The following C11orf65 variants were observed in gnomAD, a reference collection of about 807,000 sequenced individuals.
C11orf65 encodes the protein protein MFI.
A neutral mutation model predicts 35.3 loss-of-function variants in C11orf65; 38 were observed. The ratio of observed to expected loss-of-function variants is 1.08; its 90% confidence interval spans 0.83 to 1.41. The LOEUF is 1.41. Among genes scored for constraint, C11orf65 ranks in the 40% most tolerant of loss-of-function variants. The pLI, the probability that C11orf65 is intolerant of heterozygous loss-of-function variation, is 0.00. For synonymous variants in C11orf65, 105 were observed against 114.4 expected, an observed-to-expected ratio of 0.92 and a Z score of 0.53; for missense variants, 370 against 367.1, an observed-to-expected ratio of 1.01 and a Z score of -0.06.
At position 108,431,814 on chromosome 11, in the gene C11orf65, TA is replaced by T. The variant is rs2092994189; in HGVS notation, c.105del (p.Phe35LeufsTer4). The stretch of plus-strand genomic sequence containing the variant: ...TGTCTTCTTAAATCAATCAGACTTT[TA>T]AAGTGTTGAAATATAGCGACATTCT... The part of the protein sequence containing the change: ...SFLNVAIFQH[F>X]KSLIDLRRQG... On this transcript the variant is annotated frameshift_variant, in exon 3 of 9. Transcript: ENST00000393084. LOFTEE classifies it high-confidence loss of function. 6.6e-7 allele frequency: 1 copy of T among 1,521,786 alleles called. No homozygotes were observed. The highest frequency in any genetic ancestry group is 8.9e-7 in the Non-Finnish European group (1 of 1,119,854). The allele number at this position is 1,521,786 out of a possible 1,614,324, so 94.3% of individuals were successfully genotyped here.
At chr11:108,311,779 AT>A (rs2084183827) in intron 6 of C11orf65, among the ~76,000 whole-genome samples, 1 of 152,162 alleles carries the variant, frequency 6.6e-6, no homozygotes, top group Non-Finnish European at 1.5e-5. Context: ...GATAGTATTT[AT>A]TTTATGTACT....
rs182678288 is a variant in C11orf65 at position 108,337,301 on chromosome 11, A to G, written c.227-2009T>C. On this transcript the variant is annotated intron_variant, in intron 2 of 3. Transcript: ENST00000524755. ...AATTTGTGACATGGAACCTTCTGCA[A>G]TAATAACTAACATAATAGATGTTTT... Among the ~76,000 whole-genome samples, 8 of 152,350 alleles carry G rather than the reference A, an allele frequency of 5.3e-5. No homozygotes were observed. The South Asian group carries it at 1.2e-3, about 24-fold the overall frequency.
chr11:108,353,576 T>G (rs1284088196), intron 2 of C11orf65, among the ~76,000 whole-genome samples: 1 of 152,222 alleles, frequency 6.6e-6, no homozygotes, highest in African/African-American at 2.4e-5. Flanking sequence ...TATTTGGATT[T>G]GAGGTGGATC....
chr11:108,357,124 C>T (rs1307833145), intron 2 of C11orf65, among the ~76,000 whole-genome samples: 1 of 152,240 alleles, frequency 6.6e-6, no homozygotes, highest in Non-Finnish European at 1.5e-5. Context: ...AAGGCATTGC[C>T]TCACTTGGGA....
chr11:108,359,271 T>C (rs1287349508), intron 2 of C11orf65, among the ~76,000 whole-genome samples: 1 of 151,430 alleles, frequency 6.6e-6, no homozygotes, highest in Non-Finnish European at 1.5e-5. Context: ...ATGCACCCAA[T>C]ACAGGAGCAC....
At chr11:108,392,966 C>T (rs1276458377) in intron 7 of C11orf65, among the ~76,000 whole-genome samples, 3 of 152,122 alleles carry the variant, frequency 2.0e-5, no homozygotes, top group Admixed American at 6.6e-5. Context: ...CAGACTAAAG[C>T]ATAAGAATAA....
At chr11:108,380,670 A>G (rs1236002188), downstream of C11orf65, among the ~76,000 whole-genome samples, 3 of 152,208 alleles carry the variant, frequency 2.0e-5, no homozygotes, top group African/African-American at 7.2e-5. Flanking sequence ...CAGAAAAACT[A>G]ATCTAGCTGC....
intron 2 of C11orf65, chr11:108,343,433 A>G (rs2136959731): frequency 2.5e-6 from 4 of 1,588,384 alleles, no homozygotes; most frequent in Non-Finnish European, 3.5e-6. Context: ...TAAAGCTGAC[A>G]GCTGTCAGAT....
At chr11:108,357,590 G>T (rs2090153124) in intron 2 of C11orf65, among the ~76,000 whole-genome samples, 1 of 152,188 alleles carries the variant, frequency 6.6e-6, no homozygotes, top group Non-Finnish European at 1.5e-5. Context: ...GCACGCAGCT[G>T]GAGATCGGAC....
At chr11:108,396,867 AAAT>A (rs1447197711) in intron 6 of C11orf65, among the ~76,000 whole-genome samples, 12 of 147,778 alleles carry the variant, frequency 8.1e-5, no homozygotes, top group African/African-American at 3.0e-4. Flanking sequence ...ATAAATAAAT[AAAT>A]AAATAAAATA....
intron 2 of C11orf65, among the ~76,000 whole-genome samples, chr11:108,439,704 G>A (rs992121697): frequency 6.6e-6 from 1 of 152,130 alleles, no homozygotes; most frequent in Admixed American, 6.6e-5. Context: ...ATGTTATGTT[G>A]AGTAAAATAA....
intron 6 of C11orf65, among the ~76,000 whole-genome samples, chr11:108,402,430 G>A (rs1471139399): frequency 6.6e-6 from 1 of 152,130 alleles, no homozygotes; most frequent in African/African-American, 2.4e-5. Context: ...TGGTAGTACT[G>A]TAGGCATTGT....
intron 3 of C11orf65, among the ~76,000 whole-genome samples, chr11:108,429,896 A>T (rs902342760): frequency 6.6e-6 from 1 of 152,206 alleles, no homozygotes; most frequent in East Asian, 1.9e-4. Flanking sequence ...AATCACAAAA[A>T]GGCAAGTACT....
At chr11:108,328,984 T>G, downstream of C11orf65, 1 of 1,567,808 alleles carries the variant, frequency 6.4e-7, no homozygotes, top group South Asian at 1.1e-5. Flanking sequence ...ATTTAGTATT[T>G]GTAAATATAA....
chr11:108,455,355 T>A (rs2093399114), intron 2 of C11orf65, among the ~76,000 whole-genome samples: 1 of 152,142 alleles, frequency 6.6e-6, no homozygotes. Flanking sequence ...TTAAAGACTC[T>A]TATCAAAAAA....
At chr11:108,329,692 T>G (rs1268708316), downstream of C11orf65, among the ~76,000 whole-genome samples, 1 of 152,228 alleles carries the variant, frequency 6.6e-6, no homozygotes, top group Non-Finnish European at 1.5e-5. Flanking sequence ...ATTACAGGTG[T>G]GAGGCACTGT....
rs1248803396 is a variant in C11orf65, at chr11:108,331,960, T to C, written c.300-393A>G. 2 of 1,613,986 alleles carry C rather than the reference T, an allele frequency of 1.2e-6. No individual in the cohort carries two copies. Among genetic ancestry groups the C allele is most frequent in the African/African-American group, 2.7e-5 (2 of 74,938 alleles). On this transcript the variant is annotated intron_variant, in intron 3 of 3. Coordinates refer to the C11orf65 transcript ENST00000524755. ...CTTAGCAAATGCAAACAGAGATGAA[T>C]TTCTGACTAAACCAGAGGTAGCCAG...
At chr11:108,451,085 T>C (rs1351310706) in intron 2 of C11orf65, among the ~76,000 whole-genome samples, 1 of 151,956 alleles carries the variant, frequency 6.6e-6, no homozygotes, top group Non-Finnish European at 1.5e-5. Flanking sequence ...GCATTCCCTT[T>C]GAAAACTGGC....
intron 1 of C11orf65, among the ~76,000 whole-genome samples, chr11:108,464,399 C>T (rs761619733): frequency 3.3e-5 from 5 of 151,566 alleles, no homozygotes; most frequent in Admixed American, 1.3e-4. Context: ...TGGGTTCAAG[C>T]GATTCTCCTG....
Sources: gnomAD v4.1 joint callset for allele counts (sites outside exome capture counted in the v4.1 genomes callset) on GRCh38, gnomAD v4.1.1 for gene constraint, MANE v1.5 for transcripts, NCBI Gene and HGNC (gene_info 2026-07-23, HGNC 2026-07-21) for gene names.